Variants in SLC16A10 observed in about 807,000 individuals in gnomAD.
SLC16A10 encodes the protein solute carrier family 16 member 10.
A neutral mutation model predicts 40.0 loss-of-function variants in SLC16A10; 27 were observed. That is an observed-to-expected ratio of 0.67 (90% confidence interval 0.50 to 0.93). The LOEUF is 0.93. SLC16A10 is among the 40% of genes least tolerant of loss of function. The pLI, the probability that SLC16A10 is intolerant of heterozygous loss-of-function variation, is 0.00. For synonymous variants in SLC16A10, 213 were observed against 249.8 expected (o/e 0.85, Z 1.39); for missense variants, 529 against 658.2 (o/e 0.80, Z 2.15).
intron 1 of SLC16A10, among the ~76,000 whole-genome samples, chr6:111,142,355 A>G (rs1343502267): frequency 1.3e-5 from 2 of 152,242 alleles, no homozygotes; most frequent in Non-Finnish European, 2.9e-5. Flanking sequence ...CACCCTTCAC[A>G]AAAATGAACA....
chr6:111,140,154 A>T (rs1041350289), intron 1 of SLC16A10, among the ~76,000 whole-genome samples: 3 of 152,000 alleles, frequency 2.0e-5, no homozygotes, highest in Admixed American at 6.6e-5. Context: ...CCTAAACCTA[A>T]TTTTTTTTAA....
rs76216598 is a variant in SLC16A10 at position 111,230,615 on chromosome 6, T to C, written c.*8380T>C. 6.0e-4 allele frequency: 91 copies of C among 152,338 alleles called. No homozygotes were observed. Among genetic ancestry groups the C allele is most frequent in the African/African-American group, 2.2e-3 (91 of 41,578 alleles). 9.4% of individuals were successfully genotyped at this position (152,338 alleles called of 1,614,324 possible). A position where few individuals can be genotyped will look rare whatever the true frequency, so the allele number is the denominator to read the frequency against. On this transcript the variant is annotated 3_prime_UTR_variant, in exon 6 of 6. Coordinates refer to ENST00000368851, the MANE Select transcript of SLC16A10 (RefSeq NM_018593.5). ...TGTAGAGGCATTGCACAATGCTTGA[T>C]AAAAGTTGCATTTTGCTTTTGTTCT...
chr6:111,089,908 GTTTTTTTTTTTTTTTT>G (rs541758500), intron 1 of SLC16A10, among the ~76,000 whole-genome samples: 21 of 52,334 alleles, frequency 4.0e-4, no homozygotes, highest in East Asian at 1.1e-3. Flanking sequence ...CTGTGGGTGG[GTTTTTTTTTTTTTTTT>G]TTTTTTTTTT....
chr6:111,170,513 G>A (rs1049533348), intron 1 of SLC16A10, among the ~76,000 whole-genome samples: 4 of 152,158 alleles, frequency 2.6e-5, no homozygotes, highest in Admixed American at 6.5e-5. Context: ...GCAGTGGCGC[G>A]ATCTCGGCTC....
rs373243566 is a variant in SLC16A10, at chr6:111,136,832, G to A, written c.344-35863G>A. ...TAGTGCTCAGCTGGCAGAACTAATAGCCCTCACTCAGGCACTAGAATTAGG... is the reference window on the plus strand; with the variant it reads ...TAGTGCTCAGCTGGCAGAACTAATAACCCTCACTCAGGCACTAGAATTAGG... On this transcript the variant is annotated intron_variant, in intron 1 of 5. Transcript: ENST00000368851. Among the ~76,000 whole-genome samples the A allele has an allele frequency of 1.9e-4, 29 of 152,272 alleles. No individual in the cohort carries two copies. In the South Asian group the frequency reaches 5.8e-3, roughly 30 times the overall value.
intron 1 of SLC16A10, among the ~76,000 whole-genome samples, chr6:111,119,910 A>G (rs1362775806): frequency 6.6e-6 from 1 of 152,260 alleles, no homozygotes; most frequent in Non-Finnish European, 1.5e-5. Flanking sequence ...TTATGTATCC[A>G]GACCCAATTT....
In SLC16A10 at chr6:111,149,967, G is replaced by A. The variant is rs537199476; in HGVS notation, c.344-22728G>A. 3.3e-5 allele frequency among the ~76,000 whole-genome samples: 5 copies of A among 152,316 alleles called. No homozygotes were observed. The East Asian group carries it at 5.8e-4, about 18-fold the overall frequency. ...TGTGACTTTGAGCAAGCTTTAAAAC[G>A]TCAGTGTCTCAGTTTTGTCAACTGA... On this transcript the variant is annotated intron_variant, in intron 1 of 5. Transcript: ENST00000368851.
In SLC16A10 at chr6:111,178,743, A is replaced by G. The variant is rs73530962; in HGVS notation, c.942+1078A>G. On this transcript the variant is annotated intron_variant, in intron 3 of 5. Coordinates refer to ENST00000368851, the MANE Select transcript of SLC16A10 (RefSeq NM_018593.5). ...TGTTTGTGAACTTGGATTTTTTTCT[A>G]GCTTACAGTCTACTTTTGGAGATTT... 1,840 of 206,376 alleles carry G rather than the reference A, an allele frequency of 8.9e-3. 26 individuals are homozygous for G. Among genetic ancestry groups the G allele is most frequent in the African/African-American group, 0.042 (1,767 of 41,892 alleles). 12.8% of individuals were successfully genotyped at this position (206,376 alleles called of 1,614,324 possible).
intron 1 of SLC16A10, among the ~76,000 whole-genome samples, chr6:111,095,539 G>A (rs946352219): frequency 3.3e-5 from 5 of 152,196 alleles, no homozygotes; most frequent in African/African-American, 1.2e-4. Flanking sequence ...ATTTGTTAAA[G>A]TGGTAATTTT....
chr6:111,132,751 G>A (rs561536822), intron 1 of SLC16A10, among the ~76,000 whole-genome samples: 28 of 152,268 alleles, frequency 1.8e-4, no homozygotes, highest in African/African-American at 6.7e-4. Context: ...ACAAAGGTCC[G>A]ACAGATCTAG....
At chr6:111,120,100 T>A (rs896894009) in intron 1 of SLC16A10, among the ~76,000 whole-genome samples, 1 of 152,222 alleles carries the variant, frequency 6.6e-6, no homozygotes, top group African/African-American at 2.4e-5. Flanking sequence ...AAAAAGAGAT[T>A]TGCGTATGTC....
At chr6:111,155,067 C>T (rs112596346) in intron 1 of SLC16A10, among the ~76,000 whole-genome samples, 5 of 149,428 alleles carry the variant, frequency 3.3e-5, no homozygotes, top group Non-Finnish European at 7.4e-5. Flanking sequence ...AGTGGTGAGT[C>T]GTTCTACCAG....
intron 3 of SLC16A10, among the ~76,000 whole-genome samples, chr6:111,190,606 G>A (rs771364040): frequency 1.1e-4 from 16 of 152,232 alleles, no homozygotes; most frequent in Non-Finnish European, 1.9e-4. Context: ...AATCTAGGTG[G>A]AGGTTCCCAA....
chr6:111,147,386 T>C (rs1023309475), intron 1 of SLC16A10, among the ~76,000 whole-genome samples: 8 of 152,206 alleles, frequency 5.3e-5, no homozygotes, highest in Non-Finnish European at 1.0e-4. Flanking sequence ...GTTTATTAAT[T>C]TGCAATACAC....
intron 1 of SLC16A10, among the ~76,000 whole-genome samples, chr6:111,168,860 A>G (rs997000679): frequency 6.6e-6 from 1 of 152,178 alleles, no homozygotes; most frequent in African/African-American, 2.4e-5. Context: ...TGGGTCAGGA[A>G]TAGCATTTTA....
At chr6:111,217,140 T>C (rs1773438625) in intron 4 of SLC16A10, among the ~76,000 whole-genome samples, 1 of 152,230 alleles carries the variant, frequency 6.6e-6, no homozygotes, top group Admixed American at 6.5e-5. Context: ...CACAGTTCTG[T>C]TCACAGCCTG....
chr6:111,164,166 C>T (rs77125245), intron 1 of SLC16A10, among the ~76,000 whole-genome samples: 7,425 of 152,246 alleles, frequency 0.049, 596 homozygotes, highest in African/African-American at 0.17. Context: ...TCTTATCCAA[C>T]TTAAAACAAT....
intron 1 of SLC16A10, among the ~76,000 whole-genome samples, chr6:111,163,370 T>G (rs950135734): frequency 1.3e-5 from 2 of 151,744 alleles, no homozygotes; most frequent in East Asian, 3.9e-4. Flanking sequence ...GCCGGGATGG[T>G]CTCGATCTCC....
chr6:111,097,319 A>T (rs1771091157), intron 1 of SLC16A10, among the ~76,000 whole-genome samples: 1 of 150,086 alleles, frequency 6.7e-6, no homozygotes, highest in Admixed American at 6.7e-5. Flanking sequence ...TTTTATTTGT[A>T]TTTTTTTTTG....
Sources: gnomAD v4.1 joint callset for allele counts (sites outside exome capture counted in the v4.1 genomes callset) on GRCh38, gnomAD v4.1.1 for gene constraint, MANE v1.5 for transcripts, NCBI Gene and HGNC (gene_info 2026-07-23, HGNC 2026-07-21) for gene names.